The following ACTR2 variants were observed in gnomAD, a reference collection of about 807,000 sequenced individuals.
ACTR2 encodes the protein actin related protein 2.
A neutral mutation model predicts 50.2 loss-of-function variants in ACTR2; 5 were observed. The observed-to-expected ratio is 0.10, with a 90% CI of 0.05 to 0.21. The LOEUF (loss-of-function observed/expected upper bound fraction) is 0.21, where lower values mean the gene tolerates loss of function less well. Ranked by LOEUF, ACTR2 falls within the 10% of genes least tolerant of loss-of-function variation. The pLI, the probability that ACTR2 is intolerant of heterozygous loss-of-function variation, is 1.00. For missense variants in ACTR2, 180 were observed against 480.6 expected, an observed-to-expected ratio of 0.37 and a Z score of 5.85; for synonymous variants, 140 against 162.9, an observed-to-expected ratio of 0.86 and a Z score of 1.07.
intron 4 of ACTR2, 61 bp downstream of exon 4, chr2:65,251,160 T>C: frequency 8.0e-7 from 1 of 1,247,294 alleles, no homozygotes; most frequent in Non-Finnish European, 1.1e-6. Flanking sequence ...GTATGTTTTA[T>C]GTCAGAGAAT....
At chr2:65,250,623 A>G (rs1672028486) in intron 3 of ACTR2, among the ~76,000 whole-genome samples, 1 of 145,902 alleles carries the variant, frequency 6.9e-6, no homozygotes, top group Non-Finnish European at 1.5e-5. Context: ...CAGTGAGCCA[A>G]GATTGCGCCA....
At chr2:65,265,975 A>G (rs1672365481) in intron 8 of ACTR2, among the ~76,000 whole-genome samples, 2 of 152,206 alleles carry the variant, frequency 1.3e-5, no homozygotes, top group South Asian at 2.1e-4. Context: ...CACATACATT[A>G]AACAGATTAA....
chr2:65,252,268 TAA>T (rs946038705), intron 4 of ACTR2, among the ~76,000 whole-genome samples: 1 of 152,080 alleles, frequency 6.6e-6, no homozygotes. Context: ...CTCTTCTTTT[TAA>T]AAGAGTACAA....
chr2:65,253,430 A>T (rs1254648796), intron 4 of ACTR2, among the ~76,000 whole-genome samples: 1 of 151,600 alleles, frequency 6.6e-6, no homozygotes, highest in Non-Finnish European at 1.5e-5. Flanking sequence ...TGGGTGACAG[A>T]GCCAGACCCT....
At chr2:65,235,684 G>T (rs768328671) in intron 1 of ACTR2, among the ~76,000 whole-genome samples, 1 of 152,108 alleles carries the variant, frequency 6.6e-6, no homozygotes, top group African/African-American at 2.4e-5. Flanking sequence ...GAACCCAGGA[G>T]GCAGAGGTTG....
In ACTR2 at chr2:65,261,521, C is replaced by T. The variant is rs1361018995; in HGVS notation, c.881+129C>T. On this transcript the variant is annotated intron_variant, in intron 7 of 8. Coordinates refer to ENST00000260641, the MANE Select transcript of ACTR2 (RefSeq NM_005722.4). ...TTTATAAACTTACTTGAAATAATTTCAGACTTACGGAAAGGTTGCAAGAAA... is the reference window on the plus strand; with the variant it reads ...TTTATAAACTTACTTGAAATAATTTTAGACTTACGGAAAGGTTGCAAGAAA... The T allele has an allele frequency of 4.2e-6, 4 of 961,672 alleles. No homozygotes were observed. The East Asian group carries it at 1.1e-4, about 26-fold the overall frequency. 59.6% of individuals were successfully genotyped at this position (961,672 alleles called of 1,614,324 possible).
At chr2:65,232,041 G>A (rs1009063298) in intron 1 of ACTR2, among the ~76,000 whole-genome samples, 1 of 152,204 alleles carries the variant, frequency 6.6e-6, no homozygotes, top group African/African-American at 2.4e-5. Context: ...CAGTAGGGTT[G>A]CCCAGAGGAG....
chr2:65,249,020 A>G (rs1330578112), intron 3 of ACTR2, among the ~76,000 whole-genome samples: 2 of 114,944 alleles, frequency 1.7e-5, no homozygotes, highest in African/African-American at 5.2e-5. Context: ...CTCAAAAAGA[A>G]AAAAGAAAAA....
chr2:65,243,342 G>A (rs977923474), intron 2 of ACTR2, among the ~76,000 whole-genome samples: 12 of 151,828 alleles, frequency 7.9e-5, no homozygotes, highest in African/African-American at 2.9e-4. Flanking sequence ...TTTAACAGAA[G>A]TTTTTGACCG....
At chr2:65,240,075 G>A in intron 2 of ACTR2, 113 bp downstream of exon 2, 1 of 680,806 alleles carries the variant, frequency 1.5e-6, no homozygotes, top group Non-Finnish European at 2.4e-6. Context: ...AAAAGCAAAG[G>A]GGAGGGTAGA....
intron 1 of ACTR2, among the ~76,000 whole-genome samples, chr2:65,233,556 C>G (rs1671678943): frequency 6.6e-6 from 1 of 151,698 alleles, no homozygotes; most frequent in Admixed American, 6.6e-5. Flanking sequence ...CAGAGCAGGA[C>G]TACCCCATAG....
chr2:65,229,570 A>C (rs1235037250), intron 1 of ACTR2, among the ~76,000 whole-genome samples: 3 of 152,048 alleles, frequency 2.0e-5, no homozygotes. Context: ...AGGCTGGCCA[A>C]CATAGTGAAA....
At chr2:65,244,666 G>A (rs1489270706) in intron 2 of ACTR2, among the ~76,000 whole-genome samples, 1 of 152,116 alleles carries the variant, frequency 6.6e-6, no homozygotes. Context: ...GAATCTAAAC[G>A]GTTGGGTGTG....
chr2:65,236,211 C>T lies in ACTR2; in HGVS notation c.49-3641C>T, dbSNP rs1452129328. 4.6e-5 allele frequency among the ~76,000 whole-genome samples: 7 copies of T among 151,924 alleles called. No homozygotes were observed. The South Asian group carries it at 6.2e-4, about 14-fold the overall frequency. On this transcript the variant is annotated intron_variant, in intron 1 of 8. Coordinates refer to ENST00000260641, the MANE Select transcript of ACTR2 (RefSeq NM_005722.4). ...AAAATTAGCTGGGCGTGGTGGCAGG[C>T]GCCTGTAGTCCCAGCTACTTGGGAG...
intron 1 of ACTR2, among the ~76,000 whole-genome samples, chr2:65,229,162 G>A (rs1488528959): frequency 6.7e-6 from 1 of 149,342 alleles, no homozygotes; most frequent in Non-Finnish European, 1.5e-5. Context: ...AGCAAAGTCA[G>A]CAAATTAGAA....
At chr2:65,233,929 G>T (rs1383145981) in intron 1 of ACTR2, among the ~76,000 whole-genome samples, 1 of 150,982 alleles carries the variant, frequency 6.6e-6, no homozygotes, top group Admixed American at 6.6e-5. Context: ...TCCTGACAGG[G>T]TCTCACTCTG....
chr2:65,249,213 T>G (rs1226829197), intron 3 of ACTR2, among the ~76,000 whole-genome samples: 1 of 152,192 alleles, frequency 6.6e-6, no homozygotes, highest in Non-Finnish European at 1.5e-5. Context: ...ATATTTTGTT[T>G]ACGAATATGT....
intron 3 of ACTR2, among the ~76,000 whole-genome samples, chr2:65,247,764 T>C (rs1440759076): frequency 1.3e-5 from 2 of 152,148 alleles, no homozygotes; most frequent in South Asian, 2.1e-4. Flanking sequence ...GAAAGATTTA[T>C]TGACAAAAAT....
intron 1 of ACTR2, among the ~76,000 whole-genome samples, chr2:65,231,950 C>T (rs1473112982): frequency 1.3e-5 from 2 of 152,212 alleles, no homozygotes; most frequent in African/African-American, 4.8e-5. Flanking sequence ...ACAAGTTTGC[C>T]TGGAAACAAG....
Sources: gnomAD v4.1 joint callset for allele counts (sites outside exome capture counted in the v4.1 genomes callset) on GRCh38, gnomAD v4.1.1 for gene constraint, MANE v1.5 for transcripts, NCBI Gene and HGNC (gene_info 2026-07-23, HGNC 2026-07-21) for gene names.